The following VWA5A variants were observed in gnomAD, a reference collection of about 807,000 sequenced individuals.
The protein encoded by VWA5A is von Willebrand factor A domain containing 5A.
Under a neutral mutation model 84.6 loss-of-function variants are expected in VWA5A, and 77 were observed. The ratio of observed to expected loss-of-function variants is 0.91; its 90% CI spans 0.76 to 1.10. VWA5A has a LOEUF of 1.10. VWA5A is among the 50% of genes least tolerant of loss of function. The pLI is 0.00. For synonymous variants in VWA5A, 334 were observed against 350.1 expected (o/e 0.95, Z 0.51); for missense variants, 973 against 963.0 (o/e 1.01, Z -0.14).
At chr11:124,127,782 T>C (rs565878449) in intron 11 of VWA5A, among the ~76,000 whole-genome samples, 1 of 152,366 alleles carries the variant, frequency 6.6e-6, no homozygotes, top group African/African-American at 2.4e-5. Flanking sequence ...AGGAGCTTTT[T>C]TTCATGTTTG....
Position 124,141,662 on chromosome 11 carries a change from G to A in VWA5A, c.1944G>A (p.Met648Ile), listed in dbSNP as rs1044361991. 6.2e-7 allele frequency: 1 copy of A among 1,614,148 alleles called. No homozygotes were observed. The highest frequency in any genetic ancestry group is 8.5e-7 in the Non-Finnish European group (1 of 1,180,026). The change falls in exon 16 of 19, where the codon ATG becomes ATA. Residue 648 changes from methionine to isoleucine, a missense_variant. By Grantham distance (10) the Met-to-Ile change is conservative. Transcript: ENST00000456829. The stretch of plus-strand genomic sequence containing the variant: ...CATCTCAGCCCAGAGGGGAACTTAT[G>A]TGTTATAAGGCCAAGACATTCCAGA... ...PSASQPRGELMCYKAKTFQMD... is the reference protein window; with the variant it reads ...PSASQPRGELICYKAKTFQMD...
At chr11:124,131,296 C>G (rs1052295962) in intron 11 of VWA5A, among the ~76,000 whole-genome samples, 1 of 151,964 alleles carries the variant, frequency 6.6e-6, no homozygotes, top group African/African-American at 2.4e-5. Flanking sequence ...GGATTCATGT[C>G]CAGGGTGGGA....
At chr11:124,138,009 C>T (rs1860646749) in intron 15 of VWA5A, among the ~76,000 whole-genome samples, 1 of 152,200 alleles carries the variant, frequency 6.6e-6, no homozygotes, top group Admixed American at 6.5e-5. Flanking sequence ...CAGGTGCATG[C>T]CACCATGCCC....
At position 124,135,050 on chromosome 11, in the gene VWA5A, AC is replaced by A; in HGVS notation, c.1359+17del. 6.2e-7 allele frequency: 1 copy of A among 1,605,914 alleles called. No homozygotes were observed. The highest frequency in any genetic ancestry group is 8.5e-7 in the Non-Finnish European group (1 of 1,175,392). ...GCAGTCCAAGGTGAGGGACAGACTG[AC>A]TGTGTCTGTCTGGAGGTGGCAATCC... On this transcript the variant is annotated intron_variant, in intron 12 of 18. Transcript: ENST00000456829.
chr11:124,117,971 C>T, intron 4 of VWA5A, 96 bp downstream of exon 4: 3 of 1,441,958 alleles, frequency 2.1e-6, no homozygotes, highest in East Asian at 4.7e-5. Context: ...AATGTACCTT[C>T]ACAAAACATG....
At chr11:124,118,933 G>T in intron 6 of VWA5A, 42 bp from the exon 7 acceptor site, 1 of 1,593,854 alleles carries the variant, frequency 6.3e-7, no homozygotes. Flanking sequence ...GAAGCAAGAA[G>T]TTATGATTCT....
intron 9 of VWA5A, 39 bp downstream of exon 9, chr11:124,123,493 A>G: frequency 6.2e-7 from 1 of 1,609,404 alleles, no homozygotes; most frequent in East Asian, 2.2e-5. Flanking sequence ...ACAAAACGAG[A>G]CTTTAAAGAA....
chr11:124,122,539 A>G (rs1323942742), intron 7 of VWA5A, among the ~76,000 whole-genome samples: 2 of 152,252 alleles, frequency 1.3e-5, no homozygotes, highest in African/African-American at 2.4e-5. Flanking sequence ...TCAAAGCTGT[A>G]ATTAAAGACT....
chr11:124,126,900 T>C (rs141216244), intron 11 of VWA5A, among the ~76,000 whole-genome samples: 278 of 152,340 alleles, frequency 1.8e-3, no homozygotes, highest in African/African-American at 6.3e-3. Context: ...CCTTCATATA[T>C]AAACACTTAT....
At chr11:124,142,777 A>C (rs1383926103) in intron 17 of VWA5A, among the ~76,000 whole-genome samples, 1 of 152,176 alleles carries the variant, frequency 6.6e-6, no homozygotes, top group African/African-American at 2.4e-5. Context: ...GTAGGAATTG[A>C]TGGGGTTTTT....
intron 17 of VWA5A, among the ~76,000 whole-genome samples, chr11:124,143,844 G>T (rs896713905): frequency 1.2e-4 from 19 of 152,140 alleles, no homozygotes; most frequent in African/African-American, 3.9e-4. Flanking sequence ...TCCTTCTTTG[G>T]AATGGTAACC....
intron 11 of VWA5A, among the ~76,000 whole-genome samples, chr11:124,126,051 G>A (rs1041414885): frequency 6.6e-6 from 1 of 152,202 alleles, no homozygotes; most frequent in Non-Finnish European, 1.5e-5. Context: ...CTGTATACAT[G>A]TACATTGTTT....
At position 124,117,743 on chromosome 11, in the gene VWA5A, C is replaced by T. The variant is rs1864856442; in HGVS notation, c.114C>T (p.Asn38=). 3 of 1,614,074 alleles carry T rather than the reference C, an allele frequency of 1.9e-6. No homozygotes were observed. The part of the protein sequence containing the change: ...EFVAGVSATL[N]YENEEKVPLE... ...TGGCTGGTGTGTCTGCAACTTTGAA[C>T]TACGAGAATGAGGAGAAAGTTCCTT... The change falls in exon 4 of 19, where the codon AAC becomes AAT. Residue 38 remains asparagine, a synonymous_variant. Transcript: ENST00000456829.
intron 7 of VWA5A, among the ~76,000 whole-genome samples, chr11:124,121,720 G>A (rs192654470): frequency 7.4e-4 from 113 of 152,280 alleles, no homozygotes; most frequent in African/African-American, 2.6e-3. Flanking sequence ...GACTCATGGA[G>A]GTGAAAATAA....
chr11:124,119,005 CG>C lies in VWA5A; in HGVS notation c.679del (p.Asp227ThrfsTer5), dbSNP rs1864888277. On this transcript the variant is annotated frameshift_variant, in exon 7 of 19. Coordinates refer to ENST00000456829, the MANE Select transcript of VWA5A (RefSeq NM_001130142.2). LOFTEE classifies it high-confidence loss of function. ...VSLAAGHKFD[R>X]DVELLIYYNE... Reference sequence around the variant, plus strand: ...CCTGGCTGCTGGACACAAGTTTGATCGGGACGTGGAACTCCTGATTTACTAC... The same window carrying C: ...CCTGGCTGCTGGACACAAGTTTGATCGGACGTGGAACTCCTGATTTACTAC... 6 of 1,614,148 alleles carry C rather than the reference CG, an allele frequency of 3.7e-6. No individual in the cohort carries two copies. The highest frequency in any genetic ancestry group is 5.1e-6 in the Non-Finnish European group (6 of 1,180,032).
intron 8 of VWA5A, 26 bp from the exon 9 acceptor site, chr11:124,123,340 G>C (rs184726661): frequency 3.1e-6 from 5 of 1,605,440 alleles, no homozygotes; most frequent in Non-Finnish European, 4.3e-6. Context: ...CTCTCACTCT[G>C]TCTCTTCATA....
chr11:124,122,836 A>G, intron 7 of VWA5A, 124 bp from the exon 8 acceptor site: 1 of 953,720 alleles, frequency 1.0e-6, no homozygotes, highest in South Asian at 1.7e-5. Context: ...TGGTACATGA[A>G]TCATCACAGT....
chr11:124,130,597 T>C (rs1235300681), intron 11 of VWA5A, among the ~76,000 whole-genome samples: 1 of 152,188 alleles, frequency 6.6e-6, no homozygotes, highest in East Asian at 1.9e-4. Flanking sequence ...CTCCCACTAT[T>C]ATTGTGTGGG....
intron 15 of VWA5A, among the ~76,000 whole-genome samples, chr11:124,138,756 T>C (rs540540199): frequency 8.1e-4 from 124 of 152,342 alleles, no homozygotes; most frequent in African/African-American, 2.9e-3. Context: ...ACCCTGTTGA[T>C]TGTTTTCTTT....
Sources: gnomAD v4.1 joint callset for allele counts (sites outside exome capture counted in the v4.1 genomes callset) on GRCh38, gnomAD v4.1.1 for gene constraint, MANE v1.5 for transcripts, NCBI Gene and HGNC (gene_info 2026-07-23, HGNC 2026-07-21) for gene names.